SEPTIN9: variants seen among roughly 807,000 people sequenced by gnomAD.
SEPTIN9 encodes the protein septin 9.
SEPTIN9 carries 13 observed loss-of-function variants against 56.6 expected under a neutral mutation model. That is an observed-to-expected ratio of 0.23 (90% CI 0.15 to 0.37). The LOEUF (loss-of-function observed/expected upper bound fraction) is 0.37, where lower values mean the gene tolerates loss of function less well. SEPTIN9 is among the 10% of genes least tolerant of loss of function. The pLI is 1.00. For missense variants in SEPTIN9, 650 were observed against 823.1 expected, an observed-to-expected ratio of 0.79 and a Z score of 2.57; for synonymous variants, 332 against 334.1, an observed-to-expected ratio of 0.99 and a Z score of 0.07.
rs1272848603 is a variant in SEPTIN9, at chr17:77,349,133, G to A, written c.76+41936G>A. Among the ~76,000 whole-genome samples, 3 of 151,452 alleles carry A rather than the reference G, an allele frequency of 2.0e-5. No homozygotes were observed. The East Asian group carries it at 5.8e-4, about 29-fold the overall frequency. ...TATTTTTGAGACAGAGTCTCACTCT[G>A]TCTCCCCACAGGCTACAGTGCAATG... On this transcript the variant is annotated intron_variant, in intron 2 of 11. Coordinates refer to ENST00000427177, the MANE Select transcript of SEPTIN9 (RefSeq NM_001113491.2).
intron 2 of SEPTIN9, among the ~76,000 whole-genome samples, chr17:77,343,003 G>GTCTATCTATGTA (rs1555649314): frequency 6.8e-6 from 1 of 147,142 alleles, no homozygotes; most frequent in Non-Finnish European, 1.5e-5. Context: ...CTGTCTGTCT[G>GTCTATCTATGTA]TCTATCTATC....
In SEPTIN9 at chr17:77,314,763, C is replaced by T. The variant is rs75351775; in HGVS notation, c.76+7566C>T. ...CTGCCCACATCAGTGTCACCTGGAC[C>T]GCCTGCTCCCTTTTCTGGATGGCTG... On this transcript the variant is annotated intron_variant, in intron 2 of 11. Coordinates refer to ENST00000427177, the MANE Select transcript of SEPTIN9 (RefSeq NM_001113491.2). 4.9e-3 allele frequency among the ~76,000 whole-genome samples: 740 copies of T among 152,356 alleles called. 5 individuals are homozygous for T. Among genetic ancestry groups the T allele is most frequent in the African/African-American group, 0.017 (689 of 41,584 alleles).
Position 77,330,531 on chromosome 17 carries a change from C to T in SEPTIN9, c.76+23334C>T, listed in dbSNP as rs1455275497. Among the ~76,000 whole-genome samples, 3 of 152,200 alleles carry T rather than the reference C, an allele frequency of 2.0e-5. No homozygotes were observed. The highest frequency in any genetic ancestry group is 4.4e-5 in the Non-Finnish European group (3 of 68,030). ...CTTTCCTGGATTCTTCCTCCGTTCT[C>T]CCCTGGGCAGTGTTTCTGTTCACCT... On this transcript the variant is annotated intron_variant, in intron 2 of 11. Transcript: ENST00000427177. This position sits in a 1 kb window ranked among gnomAD's most constrained non-coding sequence, Gnocchi z 4.4.
intron 3 of SEPTIN9, among the ~76,000 whole-genome samples, chr17:77,419,248 C>T (rs935753323): frequency 3.3e-5 from 5 of 152,194 alleles, no homozygotes; most frequent in African/African-American, 9.7e-5. Flanking sequence ...CCTGCTGTGG[C>T]AGCGCTTGGG....
intron 2 of SEPTIN9, among the ~76,000 whole-genome samples, chr17:77,311,529 C>T (rs537428648): frequency 6.6e-6 from 1 of 152,310 alleles, no homozygotes; most frequent in South Asian, 2.1e-4. Context: ...TGCTCGCTGC[C>T]TCCCTTCATC....
In SEPTIN9 at chr17:77,450,664, C is replaced by T; in HGVS notation, c.722-31480C>T. On this transcript the variant is annotated intron_variant, in intron 3 of 11. Transcript: ENST00000427177. The surrounding 1 kb of genome is among the most constrained non-coding windows in gnomAD (Gnocchi z 6.0). ...CCTCTGGGTCCCAGCACATCCCAGG[C>T]CTGCAGGGAGGGGGAGAGGAAGAGA... 1.0e-6 allele frequency: 1 copy of T among 986,276 alleles called. No individual in the cohort carries two copies. The highest frequency in any genetic ancestry group is 1.2e-6 in the Non-Finnish European group (1 of 830,680). 61.1% of individuals were successfully genotyped at this position (986,276 alleles called of 1,614,324 possible). A position where few individuals can be genotyped will look rare whatever the true frequency, so the allele number is the denominator to read the frequency against.
Position 77,310,174 on chromosome 17 carries a change from G to T in SEPTIN9, c.76+2977G>T, listed in dbSNP as rs2032435921. ...TTTTTGTATTTTTAGTAGACACAGG[G>T]TTTCACCATGTTGGTCAGGCTGGTC... On this transcript the variant is annotated intron_variant, in intron 2 of 11. Transcript: ENST00000427177. The surrounding 1 kb of genome is among the most constrained non-coding windows in gnomAD (Gnocchi z 4.7). Among the ~76,000 whole-genome samples, 1 of 152,144 alleles carries T rather than the reference G, an allele frequency of 6.6e-6. No individual in the cohort carries two copies. The highest frequency in any genetic ancestry group is 2.4e-5 in the African/African-American group (1 of 41,434).
chr17:77,300,594 A>C (rs2031994738), intron 1 of SEPTIN9, among the ~76,000 whole-genome samples: 1 of 152,120 alleles, frequency 6.6e-6, no homozygotes, highest in Admixed American at 6.5e-5. Context: ...ATAAGTCTGG[A>C]ATTTAAACCT....
chr17:77,424,664 C>T (rs565200284), intron 3 of SEPTIN9, among the ~76,000 whole-genome samples: 98 of 152,354 alleles, frequency 6.4e-4, no homozygotes, highest in African/African-American at 2.2e-3. Flanking sequence ...AAGCTCTTTG[C>T]TGTTGATCTT....
intron 3 of SEPTIN9, among the ~76,000 whole-genome samples, chr17:77,458,345 C>G (rs2038307963): frequency 6.6e-6 from 1 of 152,332 alleles, no homozygotes; most frequent in East Asian, 1.9e-4. Flanking sequence ...GGAGGCCCCT[C>G]CCTGCCTTGT....
intron 3 of SEPTIN9, among the ~76,000 whole-genome samples, chr17:77,443,301 G>A (rs893183786): frequency 3.9e-5 from 6 of 152,114 alleles, no homozygotes; most frequent in African/African-American, 1.4e-4. Context: ...CAGGGTGGTT[G>A]GATTGGATGT....
chr17:77,310,425 G>A lies in SEPTIN9; in HGVS notation c.76+3228G>A, dbSNP rs376496023. On this transcript the variant is annotated intron_variant, in intron 2 of 11. Coordinates refer to ENST00000427177, the MANE Select transcript of SEPTIN9 (RefSeq NM_001113491.2). The surrounding 1 kb of genome is among the most constrained non-coding windows in gnomAD (Gnocchi z 4.7). Reference sequence around the variant, plus strand: ...CTGCCTGTGCCCACAACGTGACGGCGTGGAGACTTATCCGTGTAGATCCAC... The same window carrying A: ...CTGCCTGTGCCCACAACGTGACGGCATGGAGACTTATCCGTGTAGATCCAC... Among the ~76,000 whole-genome samples, 7 of 152,322 alleles carry A rather than the reference G, an allele frequency of 4.6e-5. No homozygotes were observed. The highest frequency in any genetic ancestry group is 3.9e-4 in the East Asian group (2 of 5,178).
chr17:77,383,309 C>T (rs973038298), intron 2 of SEPTIN9, among the ~76,000 whole-genome samples: 12 of 152,124 alleles, frequency 7.9e-5, no homozygotes, highest in African/African-American at 2.9e-4. Flanking sequence ...ATAACCATTT[C>T]CTTTAATTGA....
intron 3 of SEPTIN9, among the ~76,000 whole-genome samples, chr17:77,404,895 G>T (rs1227967456): frequency 1.3e-5 from 2 of 152,230 alleles, no homozygotes; most frequent in Non-Finnish European, 2.9e-5. Flanking sequence ...GTTGCTGGTG[G>T]CATGGTGTCA....
Position 77,435,830 on chromosome 17 carries a change from C to T in SEPTIN9, c.721+33127C>T, listed in dbSNP as rs1366465489. Among the ~76,000 whole-genome samples, 2 of 152,228 alleles carry T rather than the reference C, an allele frequency of 1.3e-5. No homozygotes were observed. Among genetic ancestry groups the T allele is most frequent in the South Asian group, 2.1e-4 (1 of 4,834 alleles). On this transcript the variant is annotated intron_variant, in intron 3 of 11. Coordinates refer to ENST00000427177, the MANE Select transcript of SEPTIN9 (RefSeq NM_001113491.2). The surrounding 1 kb of genome is among the most constrained non-coding windows in gnomAD (Gnocchi z 4.5). Reference sequence around the variant, plus strand: ...TGCAGCAGCGCAAGCTTGCCAGCGCCGCACTGCGGGATCTGGAGGCCTTTG... The same window carrying T: ...TGCAGCAGCGCAAGCTTGCCAGCGCTGCACTGCGGGATCTGGAGGCCTTTG...
At chr17:77,307,258 C>A in intron 2 of SEPTIN9, 61 bp downstream of exon 2, 2 of 1,486,708 alleles carry the variant, frequency 1.3e-6, no homozygotes, top group South Asian at 1.1e-5. Context: ...GCTGGGGTCC[C>A]TTCATTCTGG....
At position 77,316,720 on chromosome 17, in the gene SEPTIN9, A is replaced by C. The variant is rs11659077; in HGVS notation, c.76+9523A>C. Among the ~76,000 whole-genome samples, 115 of 118,692 alleles carry C rather than the reference A, an allele frequency of 9.7e-4. 1 individual carries two copies. The highest frequency in any genetic ancestry group is 3.3e-3 in the African/African-American group (106 of 32,202). 77.9% of individuals were successfully genotyped at this position (118,692 alleles called of 152,430 possible). On this transcript the variant is annotated intron_variant, in intron 2 of 11. Coordinates refer to ENST00000427177, the MANE Select transcript of SEPTIN9 (RefSeq NM_001113491.2). ...CTTCCTCTTCTTTTTTTTTTTTTTT[A>C]ATTTGAGACAGGGTCTCACTCTTTT...
Position 77,402,204 on chromosome 17 carries a change from G to T in SEPTIN9, c.222G>T (p.Ser74=), listed in dbSNP as rs763246934. The change falls in exon 3 of 12, where the codon TCG becomes TCT. Residue 74 remains serine, a synonymous_variant. Coordinates refer to ENST00000427177, the MANE Select transcript of SEPTIN9 (RefSeq NM_001113491.2). This position sits in a 1 kb window ranked among gnomAD's most constrained non-coding sequence, Gnocchi z 6.6. ...TGGGCGTGAAGAACTCAGAACCCTCGGCCCGCCATGTGGACTCCCTAAGCC... is the reference window on the plus strand; with the variant it reads ...TGGGCGTGAAGAACTCAGAACCCTCTGCCCGCCATGTGGACTCCCTAAGCC... ...QDLGVKNSEP[S]ARHVDSLSQR... is the part of the protein sequence containing the mutation. The T allele has an allele frequency of 1.2e-6, 2 of 1,613,384 alleles. No individual in the cohort carries two copies. Among genetic ancestry groups the T allele is most frequent in the Non-Finnish European group, 1.7e-6 (2 of 1,179,840 alleles).
rs2144412879 is a variant in SEPTIN9, at chr17:77,451,986, G to A, written c.722-30158G>A. Among the ~76,000 whole-genome samples, 1 of 152,344 alleles carries A rather than the reference G, an allele frequency of 6.6e-6. No individual in the cohort carries two copies. Among genetic ancestry groups the A allele is most frequent in the East Asian group, 1.9e-4 (1 of 5,182 alleles). On this transcript the variant is annotated intron_variant, in intron 3 of 11. Transcript: ENST00000427177. This position sits in a 1 kb window ranked among gnomAD's most constrained non-coding sequence, Gnocchi z 4.2. ...GCTCCCGAAGACCGGCTGGCTGGAG[G>A]CTGGAGATAGTCTCAATGCTCGAAA...
Sources: allele counts gnomAD v4.1 joint callset (sites outside exome capture counted in the v4.1 genomes callset), GRCh38; gene constraint gnomAD v4.1.1; non-coding constraint Gnocchi (gnomAD v3.1); transcripts MANE v1.5; gene names NCBI Gene and HGNC (gene_info 2026-07-23, HGNC 2026-07-21).